ADAM12: variants seen among roughly 807,000 people sequenced by gnomAD.
The protein encoded by ADAM12 is disintegrin and metalloproteinase domain-containing protein 12.
ADAM12 carries 70 observed loss-of-function variants against 106.4 expected under a neutral mutation model. That is an observed-to-expected ratio of 0.66 (90% CI 0.54 to 0.80). ADAM12 has a LOEUF of 0.80. Among genes scored for constraint, ADAM12 ranks in the 30% least tolerant of loss-of-function variants. ADAM12 has a pLI of 0.00. For synonymous variants in ADAM12, 420 were observed against 433.5 expected (o/e 0.97, Z 0.39); for missense variants, 1,010 against 1,171.9 (o/e 0.86, Z 2.02).
intron 2 of ADAM12, among the ~76,000 whole-genome samples, chr10:126,289,468 G>A (rs1212924746): frequency 6.6e-6 from 1 of 152,234 alleles, no homozygotes; most frequent in Non-Finnish European, 1.5e-5. Context: ...GCAACGTTCA[G>A]TGTCGATGCC....
chr10:126,197,114 C>A (rs141957452), intron 3 of ADAM12, among the ~76,000 whole-genome samples: 7 of 152,162 alleles, frequency 4.6e-5, no homozygotes, highest in Admixed American at 1.3e-4. Flanking sequence ...AAAGAAGACA[C>A]GGTCCCAGGT....
At chr10:126,242,517 G>A (rs1958546028) in intron 3 of ADAM12, among the ~76,000 whole-genome samples, 1 of 152,196 alleles carries the variant, frequency 6.6e-6, no homozygotes, top group African/African-American at 2.4e-5. Context: ...GGTGGTGTCT[G>A]AGGGTTACTT....
chr10:126,349,987 C>T (rs572430932), intron 1 of ADAM12, among the ~76,000 whole-genome samples: 41 of 152,214 alleles, frequency 2.7e-4, no homozygotes, highest in Admixed American at 7.2e-4. Context: ...GCCAAGAAGC[C>T]ACATAGTAGC....
intron 11 of ADAM12, among the ~76,000 whole-genome samples, chr10:126,088,409 A>T (rs756562252): frequency 1.3e-5 from 2 of 152,020 alleles, no homozygotes; most frequent in Non-Finnish European, 2.9e-5. Context: ...ATGTCATTAG[A>T]GAAGGCCGAG....
chr10:126,106,396 C>T (rs1041903673), intron 8 of ADAM12, among the ~76,000 whole-genome samples: 6 of 151,868 alleles, frequency 4.0e-5, no homozygotes, highest in African/African-American at 7.3e-5. Flanking sequence ...CACATCCCTT[C>T]GAGCCTCTCT....
chr10:126,344,403 C>A (rs1470326524), intron 1 of ADAM12, among the ~76,000 whole-genome samples: 1 of 152,120 alleles, frequency 6.6e-6, no homozygotes, highest in Non-Finnish European at 1.5e-5. Flanking sequence ...GGTACCAGTA[C>A]CATGCTGTTT....
At chr10:126,326,020 G>A (rs572644072) in intron 2 of ADAM12, among the ~76,000 whole-genome samples, 2 of 152,272 alleles carry the variant, frequency 1.3e-5, no homozygotes, top group East Asian at 1.9e-4. Flanking sequence ...TGGCAGTGAT[G>A]GCTTGATTCT....
chr10:126,229,410 T>C (rs1445649913), intron 3 of ADAM12, among the ~76,000 whole-genome samples: 1 of 152,090 alleles, frequency 6.6e-6, no homozygotes, highest in East Asian at 1.9e-4. Flanking sequence ...TTTGAAGACT[T>C]TCATTCATTT....
chr10:126,063,971 G>A (rs1954810800), intron 14 of ADAM12, among the ~76,000 whole-genome samples: 1 of 152,248 alleles, frequency 6.6e-6, no homozygotes, highest in Admixed American at 6.5e-5. Context: ...GGGTGACTGT[G>A]CATTGTGGGA....
chr10:126,144,376 A>G (rs1189599914), intron 4 of ADAM12, among the ~76,000 whole-genome samples: 2 of 152,244 alleles, frequency 1.3e-5, no homozygotes, highest in South Asian at 2.1e-4. Flanking sequence ...GCATTGTTAC[A>G]AATCTGGAAT....
chr10:126,359,914 G>C (rs983861122), intron 1 of ADAM12, among the ~76,000 whole-genome samples: 7 of 152,182 alleles, frequency 4.6e-5, no homozygotes, highest in Non-Finnish European at 7.3e-5. Flanking sequence ...TTCTGCCTGG[G>C]CATCCAGGCA....
chr10:126,051,340 T>C (rs1954476459), intron 14 of ADAM12, among the ~76,000 whole-genome samples: 1 of 152,056 alleles, frequency 6.6e-6, no homozygotes, highest in Admixed American at 6.6e-5. Flanking sequence ...CTCCCAACCA[T>C]CCTTCTTTCC....
chr10:126,035,276 A>C (rs889965947), intron 21 of ADAM12, among the ~76,000 whole-genome samples: 4 of 152,198 alleles, frequency 2.6e-5, no homozygotes, highest in Non-Finnish European at 4.4e-5. Flanking sequence ...TTTACTTTTA[A>C]GAATCTCTCC....
At chr10:126,041,249 G>A in intron 18 of ADAM12, 1 of 800,872 alleles carries the variant, frequency 1.2e-6, no homozygotes, top group African/African-American at 1.9e-5. Flanking sequence ...TGTTTAATGA[G>A]CCCCTGAGCC....
chr10:126,328,621 A>G (rs1854390182), intron 2 of ADAM12, among the ~76,000 whole-genome samples: 1 of 152,230 alleles, frequency 6.6e-6, no homozygotes, highest in Admixed American at 6.5e-5. Context: ...TTTTATGGCC[A>G]TACACTGATG....
intron 4 of ADAM12, among the ~76,000 whole-genome samples, chr10:126,143,387 T>C (rs1479439207): frequency 7.6e-6 from 1 of 132,158 alleles, no homozygotes; most frequent in Non-Finnish European, 1.7e-5. Context: ...TGCGTGTGTG[T>C]ATATGTTTGT....
chr10:126,364,882 T>C (rs148183752), intron 1 of ADAM12, among the ~76,000 whole-genome samples: 309 of 152,258 alleles, frequency 2.0e-3, no homozygotes, highest in African/African-American at 6.8e-3. Flanking sequence ...GAATTTCCAT[T>C]AGATTAATAT....
rs1953621504 is a variant in ADAM12, at chr10:126,014,327, T to G, written c.*2952A>C. ...AGTTTTAGCCGGTTTTTTTTTTTTT[T>G]TTTTTTTTTTGAGGATGCATTGATG... is the stretch of plus-strand genomic sequence containing the variant. On this transcript the variant is annotated 3_prime_UTR_variant, in exon 23 of 23. Transcript: ENST00000448723. 1 of 147,884 alleles carries G rather than the reference T, an allele frequency of 6.8e-6. No individual in the cohort carries two copies. The highest frequency in any genetic ancestry group is 6.7e-5 in the Admixed American group (1 of 14,818). The allele number at this position is 147,884 out of a possible 1,614,324, so 9.2% of individuals were successfully genotyped here. A position where few individuals can be genotyped will look rare whatever the true frequency, so the allele number is the denominator to read the frequency against.
At chr10:126,339,363 C>T (rs548975470) in intron 1 of ADAM12, among the ~76,000 whole-genome samples, 1 of 152,306 alleles carries the variant, frequency 6.6e-6, no homozygotes, top group South Asian at 2.1e-4. Context: ...AACACGTTTT[C>T]AATCATACAC....
Sources: allele counts gnomAD v4.1 joint callset (sites outside exome capture counted in the v4.1 genomes callset), GRCh38; gene constraint gnomAD v4.1.1; transcripts MANE v1.5; gene names NCBI Gene and HGNC (gene_info 2026-07-23, HGNC 2026-07-21).